APBB1IP: variants seen among roughly 807,000 people sequenced by gnomAD.
The protein encoded by APBB1IP is amyloid beta A4 precursor protein-binding family B member 1-interacting protein.
A neutral mutation model predicts 64.9 loss-of-function variants in APBB1IP; 27 were observed. That is an observed-to-expected ratio of 0.42 (90% CI 0.31 to 0.57). The LOEUF (loss-of-function observed/expected upper bound fraction) is 0.57, where lower values mean the gene tolerates loss of function less well. Ranked by LOEUF, APBB1IP falls within the 20% of genes least tolerant of loss-of-function variation. The probability of loss-of-function intolerance (pLI) is 0.20; values close to 1 mark genes in which losing one functional copy is unlikely to be tolerated. For synonymous variants in APBB1IP, 392 were observed against 331.0 expected (o/e 1.18, Z -2.00); for missense variants, 812 against 845.5 (o/e 0.96, Z 0.49).
chr10:26,468,709 A>G (rs1028330775), intron 2 of APBB1IP, among the ~76,000 whole-genome samples: 1 of 152,186 alleles, frequency 6.6e-6, no homozygotes, highest in Non-Finnish European at 1.5e-5. Context: ...AGTAATAGCC[A>G]CTGGTCCAGC....
At chr10:26,551,512 A>T (rs1051048126) in intron 11 of APBB1IP, among the ~76,000 whole-genome samples, 2 of 152,160 alleles carry the variant, frequency 1.3e-5, no homozygotes, top group Admixed American at 1.3e-4. Context: ...GCGTGGATAG[A>T]AGCCGTTCCT....
At chr10:26,443,003 T>G (rs1356951823) in intron 2 of APBB1IP, among the ~76,000 whole-genome samples, 2 of 152,194 alleles carry the variant, frequency 1.3e-5, no homozygotes, top group Non-Finnish European at 2.9e-5. Context: ...TTACTTTAAT[T>G]GAATAGCATA....
At position 26,536,120 on chromosome 10, in the gene APBB1IP, C is replaced by T. The variant is rs2132465314; in HGVS notation, c.947C>T (p.Ala316Val). ...ATCATTGTACCAGAACTGGAAGGAGCTCTTTATTTGAAAGAAGATGGAAAG... is the reference window on the plus strand; with the variant it reads ...ATCATTGTACCAGAACTGGAAGGAGTTCTTTATTTGAAAGAAGATGGAAAG... ...TSIIVPELEG[A>V]LYLKEDGKKS... The change falls in exon 10 of 15, where the codon GCT (alanine) becomes GTT (valine). Residue 316 changes from alanine (A) to valine (V), a missense_variant. Ala to Val is a moderately conservative substitution (Grantham distance 64). Coordinates refer to ENST00000376236, the MANE Select transcript of APBB1IP (RefSeq NM_019043.4). The T allele has an allele frequency of 2.5e-6, 4 of 1,605,954 alleles. No individual in the cohort carries two copies. Among genetic ancestry groups the T allele is most frequent in the East Asian group, 2.2e-5 (1 of 44,626 alleles).
intron 4 of APBB1IP, among the ~76,000 whole-genome samples, chr10:26,497,701 G>A (rs1836043680): frequency 6.9e-6 from 1 of 143,958 alleles, no homozygotes; most frequent in Admixed American, 7.0e-5. Flanking sequence ...AGAATTCCAA[G>A]TTTTATTTCT....
chr10:26,492,882 G>A (rs1835974291), intron 3 of APBB1IP, among the ~76,000 whole-genome samples: 1 of 152,160 alleles, frequency 6.6e-6, no homozygotes, highest in South Asian at 2.1e-4. Context: ...GGGTTCAAGA[G>A]CAGAGAACCA....
intron 4 of APBB1IP, among the ~76,000 whole-genome samples, chr10:26,499,552 G>T (rs1331617528): frequency 6.6e-6 from 1 of 152,010 alleles, no homozygotes; most frequent in Non-Finnish European, 1.5e-5. Flanking sequence ...ATCTATAGCA[G>T]CTAGAATTCT....
chr10:26,545,090 T>C (rs910156596), intron 11 of APBB1IP, among the ~76,000 whole-genome samples: 9 of 152,254 alleles, frequency 5.9e-5, no homozygotes, highest in Admixed American at 5.9e-4. Flanking sequence ...TTCTTAAGCA[T>C]GCTTCTCAGT....
chr10:26,541,647 T>C lies in APBB1IP; in HGVS notation c.1110T>C (p.His370=), dbSNP rs1256278663. ...TCAACATTTACTATGGGACTCAGCA[T>C]AAAATGAAATATAAAGCGCCCACTG... ...ENVNIYYGTQ[H]KMKYKAPTDY... is the part of the protein sequence containing the mutation. The change falls in exon 11 of 15, where the codon CAT becomes CAC. Residue 370 remains histidine, a synonymous_variant. Coordinates refer to ENST00000376236, the MANE Select transcript of APBB1IP (RefSeq NM_019043.4). 1 of 1,612,430 alleles carries C rather than the reference T, an allele frequency of 6.2e-7. No individual in the cohort carries two copies. Among genetic ancestry groups the C allele is most frequent in the South Asian group, 1.1e-5 (1 of 90,512 alleles).
chr10:26,550,901 G>T (rs570785333), intron 11 of APBB1IP, among the ~76,000 whole-genome samples: 1 of 152,306 alleles, frequency 6.6e-6, no homozygotes, highest in African/African-American at 2.4e-5. Context: ...ATTGTGAGCA[G>T]ATTGACTTTT....
chr10:26,465,193 T>A (rs1207720331), intron 2 of APBB1IP, among the ~76,000 whole-genome samples: 2 of 152,182 alleles, frequency 1.3e-5, no homozygotes, highest in African/African-American at 4.8e-5. Context: ...AAACTACCCA[T>A]AGGAAAGTGT....
chr10:26,493,412 A>G (rs965614549), intron 3 of APBB1IP, among the ~76,000 whole-genome samples: 2 of 152,220 alleles, frequency 1.3e-5, no homozygotes, highest in Admixed American at 6.5e-5. Flanking sequence ...TGTCCATGAA[A>G]TCTTCACAAT....
At chr10:26,481,579 C>T (rs1482360155) in intron 2 of APBB1IP, among the ~76,000 whole-genome samples, 4 of 152,028 alleles carry the variant, frequency 2.6e-5, no homozygotes, top group South Asian at 2.1e-4. Flanking sequence ...TGAGCTCTTG[C>T]GCTCAAAGGA....
In APBB1IP at chr10:26,456,688, G is replaced by A. The variant is rs114754201; in HGVS notation, c.-1+17835G>A. On this transcript the variant is annotated intron_variant, in intron 2 of 14. Coordinates refer to ENST00000376236, the MANE Select transcript of APBB1IP (RefSeq NM_019043.4). Reference sequence around the variant, plus strand: ...CAGGAGGTTGAGACTGCGATGAGCCGTGATCATGCCACCGCACTCCAGCCT... The same window carrying A: ...CAGGAGGTTGAGACTGCGATGAGCCATGATCATGCCACCGCACTCCAGCCT... 5.8e-3 allele frequency among the ~76,000 whole-genome samples: 774 copies of A among 134,260 alleles called. 5 individuals carry two copies. The highest frequency in any genetic ancestry group is 0.021 in the African/African-American group (729 of 35,276). 88.1% of individuals were successfully genotyped at this position (134,260 alleles called of 152,430 possible).
intron 4 of APBB1IP, among the ~76,000 whole-genome samples, chr10:26,497,744 T>TC (rs1307036501): frequency 1.1e-4 from 16 of 141,146 alleles, no homozygotes; most frequent in African/African-American, 4.0e-4. Context: ...TTTTTTTTTT[T>TC]CAGGCAGAGT....
intron 3 of APBB1IP, among the ~76,000 whole-genome samples, chr10:26,494,656 C>T (rs1835997477): frequency 6.6e-6 from 1 of 152,074 alleles, no homozygotes; most frequent in South Asian, 2.1e-4. Flanking sequence ...GAAACCCCAT[C>T]TTTACTAAAA....
intron 2 of APBB1IP, among the ~76,000 whole-genome samples, chr10:26,447,764 A>C (rs1459076969): frequency 6.6e-6 from 1 of 152,160 alleles, no homozygotes; most frequent in African/African-American, 2.4e-5. Flanking sequence ...TCTGTCACCC[A>C]AGCAAGAGTG....
intron 11 of APBB1IP, among the ~76,000 whole-genome samples, chr10:26,553,162 C>G (rs1464897470): frequency 6.6e-6 from 1 of 152,028 alleles, no homozygotes; most frequent in African/African-American, 2.4e-5. Flanking sequence ...GCTGGGATTA[C>G]AGGTGCCCGC....
At chr10:26,461,940 A>C (rs1156878107) in intron 2 of APBB1IP, among the ~76,000 whole-genome samples, 1 of 152,186 alleles carries the variant, frequency 6.6e-6, no homozygotes, top group Non-Finnish European at 1.5e-5. Flanking sequence ...CACCTTATTA[A>C]TTCTACTATT....
intron 10 of APBB1IP, among the ~76,000 whole-genome samples, chr10:26,536,430 A>G (rs1016494690): frequency 5.3e-5 from 8 of 152,048 alleles, no homozygotes; most frequent in Admixed American, 2.0e-4. Flanking sequence ...TTTTAAAGTC[A>G]GGTTTCAAAA....
Sources: gnomAD v4.1 joint callset for allele counts (sites outside exome capture counted in the v4.1 genomes callset) on GRCh38, gnomAD v4.1.1 for gene constraint, MANE v1.5 for transcripts, NCBI Gene and HGNC (gene_info 2026-07-23, HGNC 2026-07-21) for gene names.